Variants in SEMA3D observed in about 807,000 individuals in gnomAD.
The protein encoded by SEMA3D is semaphorin 3D.
Under a neutral mutation model 100.1 loss-of-function variants are expected in SEMA3D, and 84 were observed. The ratio of observed to expected loss-of-function variants is 0.84; its 90% CI spans 0.70 to 1.01. SEMA3D has a LOEUF of 1.01. Among genes scored for constraint, SEMA3D ranks in the 50% least tolerant of loss-of-function variants. The probability of loss-of-function intolerance (pLI) is 0.00; values close to 1 mark genes in which losing one functional copy is unlikely to be tolerated. For missense variants in SEMA3D, 875 were observed against 934.1 expected, an observed-to-expected ratio of 0.94 and a Z score of 0.82; for synonymous variants, 312 against 320.7, an observed-to-expected ratio of 0.97 and a Z score of 0.29.
intron 9 of SEMA3D, among the ~76,000 whole-genome samples, chr7:85,042,855 G>A (rs1396811990): frequency 6.6e-6 from 1 of 152,048 alleles, no homozygotes; most frequent in African/African-American, 2.4e-5. Context: ...TGGTTGGTTT[G>A]ATGAGTAAAT....
rs773471398 is a variant in SEMA3D, at chr7:85,040,697, A to C, written c.1022T>G (p.Val341Gly). 3.4e-6 allele frequency: 5 copies of C among 1,482,084 alleles called. No homozygotes were observed. 91.8% of individuals were successfully genotyped at this position (1,482,084 alleles called of 1,614,324 possible). ...CCTGGTTGTAGTAAAGACTCCATAT[A>C]CTACAGGATTTCTTTCATCTCTTGT... ...LPTRDERNPV[V>G]YGVFTTTSSI... The change falls in exon 11 of 19, where the codon GTA becomes GGA. Residue 341 changes from valine to glycine, a missense_variant. Val to Gly is a moderately radical substitution (Grantham distance 109). Coordinates refer to ENST00000284136, the MANE Select transcript of SEMA3D (RefSeq NM_001384900.1).
At chr7:85,198,232 T>A in the SEMA3D span, among the ~76,000 whole-genome samples, 2 of 152,122 alleles carry the variant, frequency 1.3e-5, no homozygotes, top group Non-Finnish European at 2.9e-5. Flanking sequence ...ACAGGTTTTG[T>A]CTGTTTCTTA....
the SEMA3D span, among the ~76,000 whole-genome samples, chr7:85,197,501 T>C: frequency 6.6e-6 from 1 of 151,452 alleles, no homozygotes; most frequent in Non-Finnish European, 1.5e-5. Flanking sequence ...TGTCCCGCCT[T>C]TCTGGACCAA....
At chr7:85,021,197 G>A (rs557856258) in intron 13 of SEMA3D, among the ~76,000 whole-genome samples, 22 of 151,734 alleles carry the variant, frequency 1.4e-4, no homozygotes, top group African/African-American at 4.8e-4. Context: ...GATCTTTAAA[G>A]AATATTAAAT....
At position 85,068,123 on chromosome 7, in the gene SEMA3D, G is replaced by A. The variant is rs918800760; in HGVS notation, c.589+68C>T. 23 of 887,734 alleles carry A rather than the reference G, an allele frequency of 2.6e-5. No homozygotes were observed. The African/African-American group carries it at 2.7e-4, about 10-fold the overall frequency. The allele number at this position is 887,734 out of a possible 1,614,324, so 55.0% of individuals were successfully genotyped here. On this transcript the variant is annotated intron_variant, in intron 7 of 18. Coordinates refer to ENST00000284136, the MANE Select transcript of SEMA3D (RefSeq NM_001384900.1). ...ATTACCTTTAACTCAATAGGAAAAT[G>A]CGGTTCAGTCAAAAAATAACTCTTA...
chr7:85,151,332 T>C (rs1446421838), intron 2 of SEMA3D, among the ~76,000 whole-genome samples: 1 of 152,040 alleles, frequency 6.6e-6, no homozygotes, highest in Non-Finnish European at 1.5e-5. Flanking sequence ...ATCTTCAAAA[T>C]AAACCAGGTA....
At chr7:85,045,865 A>AT (rs762555365) in intron 9 of SEMA3D, among the ~76,000 whole-genome samples, 10 of 151,818 alleles carry the variant, frequency 6.6e-5, no homozygotes, top group East Asian at 3.9e-4. Context: ...TAATCTTTAC[A>AT]TTTTTTTATC....
the SEMA3D span, among the ~76,000 whole-genome samples, chr7:85,212,951 A>G: frequency 6.6e-6 from 1 of 152,010 alleles, no homozygotes; most frequent in Admixed American, 6.6e-5. Context: ...GCCCAGAAGA[A>G]AGCTTATTTT....
rs1272139909 is a variant in SEMA3D, at chr7:85,153,631, C to T, written c.-64G>A. 6.6e-6 allele frequency: 1 copy of T among 151,750 alleles called. No homozygotes were observed. The highest frequency in any genetic ancestry group is 2.4e-5 in the African/African-American group (1 of 41,280). 9.4% of individuals were successfully genotyped at this position (151,750 alleles called of 1,614,324 possible). A position where few individuals can be genotyped will look rare whatever the true frequency, so the allele number is the denominator to read the frequency against. ...ACATAATTATTGAGGCTGATGAGTC[C>T]CAAGATCTGCAGTTGGTAAGGTGAA... On this transcript the variant is annotated 5_prime_UTR_variant, in exon 2 of 19. Transcript: ENST00000284136.
intron 9 of SEMA3D, among the ~76,000 whole-genome samples, chr7:85,055,006 T>C (rs1208668222): frequency 6.6e-6 from 1 of 152,236 alleles, no homozygotes; most frequent in East Asian, 1.9e-4. Flanking sequence ...TTACATAAAA[T>C]GGCAAGATTA....
At chr7:85,110,072 C>A (rs1242181688) in intron 3 of SEMA3D, among the ~76,000 whole-genome samples, 1 of 151,936 alleles carries the variant, frequency 6.6e-6, no homozygotes, top group African/African-American at 2.4e-5. Flanking sequence ...TTTTACCCTG[C>A]TAGGAGAACA....
chr7:85,178,903 G>A (rs765627042), intron 1 of SEMA3D, among the ~76,000 whole-genome samples: 7 of 152,148 alleles, frequency 4.6e-5, no homozygotes, highest in Non-Finnish European at 1.0e-4. Flanking sequence ...TGTGTTCCAG[G>A]TGCTCCAGCC....
the SEMA3D span, among the ~76,000 whole-genome samples, chr7:85,203,401 G>C: frequency 7.2e-5 from 11 of 152,248 alleles, no homozygotes; most frequent in African/African-American, 2.6e-4. Flanking sequence ...TTTTAAAAGA[G>C]ACTAAAGATA....
chr7:85,152,577 T>A (rs1157340115), intron 2 of SEMA3D, among the ~76,000 whole-genome samples: 1 of 152,006 alleles, frequency 6.6e-6, no homozygotes, highest in Admixed American at 6.6e-5. Flanking sequence ...AACACAACAA[T>A]AACAGAATAT....
chr7:85,235,737 GA>G, the SEMA3D span, among the ~76,000 whole-genome samples: 1 of 152,166 alleles, frequency 6.6e-6, no homozygotes, highest in Non-Finnish European at 1.5e-5. Flanking sequence ...GTGTGTGTCA[GA>G]AGGTGAAAAT....
chr7:85,163,021 C>T (rs899639710), intron 1 of SEMA3D: 1 of 930,788 alleles, frequency 1.1e-6, no homozygotes, highest in Non-Finnish European at 1.3e-6. Flanking sequence ...GAAGGAAAGA[C>T]AAGGATGTGA....
chr7:85,000,439 G>T (rs1038292848), intron 18 of SEMA3D, among the ~76,000 whole-genome samples: 5 of 152,224 alleles, frequency 3.3e-5, no homozygotes, highest in South Asian at 2.1e-4. Flanking sequence ...AAATGATGAC[G>T]TCTTTAAAGT....
intron 17 of SEMA3D, among the ~76,000 whole-genome samples, chr7:85,009,492 T>C (rs931392180): frequency 6.6e-6 from 1 of 151,710 alleles, no homozygotes; most frequent in East Asian, 1.9e-4. Context: ...TAAATATCAT[T>C]ACAATCTCTA....
In SEMA3D at chr7:85,018,236, A is replaced by T. The variant is rs759624023; in HGVS notation, c.1545+16T>A. 6.5e-7 allele frequency: 1 copy of T among 1,543,804 alleles called. No homozygotes were observed. The highest frequency in any genetic ancestry group is 1.1e-5 in the South Asian group (1 of 89,252). The stretch of plus-strand genomic sequence containing the variant: ...TTGCTTTTGTGATTAACTTTCATAC[A>T]AAAGTTAAAAAGTACCTGCTTCAGA... On this transcript the variant is annotated intron_variant, in intron 15 of 18. Coordinates refer to ENST00000284136, the MANE Select transcript of SEMA3D (RefSeq NM_001384900.1).
Sources: allele counts gnomAD v4.1 joint callset (sites outside exome capture counted in the v4.1 genomes callset), GRCh38; gene constraint gnomAD v4.1.1; transcripts MANE v1.5; gene names NCBI Gene and HGNC (gene_info 2026-07-23, HGNC 2026-07-21).